Variants in TM9SF3 observed in about 807,000 individuals in gnomAD.
TM9SF3 encodes SM-11044-binding protein.
Under a neutral mutation model 78.6 loss-of-function variants are expected in TM9SF3, and 14 were observed. The observed-to-expected ratio is 0.18, with a 90% CI of 0.12 to 0.28. The LOEUF is 0.28. Ranked by LOEUF, TM9SF3 falls within the 10% of genes least tolerant of loss-of-function variation. The probability of loss-of-function intolerance (pLI) is 1.00; values close to 1 mark genes in which losing one functional copy is unlikely to be tolerated. For synonymous variants in TM9SF3, 231 were observed against 241.7 expected (o/e 0.96, Z 0.41); for missense variants, 496 against 721.9 (o/e 0.69, Z 3.59).
At chr10:96,531,976 C>A (rs781393764) in intron 10 of TM9SF3, among the ~76,000 whole-genome samples, 4 of 151,972 alleles carry the variant, frequency 2.6e-5, no homozygotes, top group Admixed American at 6.6e-5. Flanking sequence ...TTTGGGAGAC[C>A]GAGGTGGGCA....
chr10:96,537,196 AT>A (rs751129337), intron 9 of TM9SF3, among the ~76,000 whole-genome samples: 4 of 151,520 alleles, frequency 2.6e-5, no homozygotes, highest in African/African-American at 4.8e-5. Flanking sequence ...CCACATAACA[AT>A]TTTTTTTTGG....
At position 96,522,139 on chromosome 10, in the gene TM9SF3, G is replaced by C. The variant is rs78610910; in HGVS notation, c.*124C>G. 18,197 of 759,472 alleles carry C rather than the reference G, an allele frequency of 0.024. 290 individuals are homozygous for C. Among genetic ancestry groups the C allele is most frequent in the Non-Finnish European group, 0.031 (13,897 of 454,924 alleles). The allele number at this position is 759,472 out of a possible 1,614,324, so 47.0% of individuals were successfully genotyped here. Reference sequence around the variant, plus strand: ...GTTACTTTAAGCCACCGACGAAAGAGAGACCCACAAAGTACCCAGTGTGTT... The same window carrying C: ...GTTACTTTAAGCCACCGACGAAAGACAGACCCACAAAGTACCCAGTGTGTT... On this transcript the variant is annotated 3_prime_UTR_variant, in exon 15 of 15. Coordinates refer to ENST00000371142, the MANE Select transcript of TM9SF3 (RefSeq NM_020123.4).
chr10:96,560,684 T>C (rs35217901), intron 4 of TM9SF3: 112,843 of 590,756 alleles, frequency 0.19, 12,170 homozygotes, highest in Admixed American at 0.36. Context: ...ATGATGATGA[T>C]GACGATTTTG....
chr10:96,527,660 C>G (rs1847853830), intron 12 of TM9SF3, 164 bp from the exon 13 acceptor site: 1 of 583,438 alleles, frequency 1.7e-6, no homozygotes, highest in Non-Finnish European at 2.9e-6. Context: ...ACAAGGAAAA[C>G]ATCTAAGAAT....
chr10:96,534,913 T>C (rs893835159), intron 9 of TM9SF3, among the ~76,000 whole-genome samples: 6 of 152,174 alleles, frequency 3.9e-5, no homozygotes, highest in African/African-American at 1.4e-4. Context: ...TGAATGAATT[T>C]TGTCATTGAT....
intron 2 of TM9SF3, among the ~76,000 whole-genome samples, chr10:96,570,007 G>A (rs1848422230): frequency 6.6e-6 from 1 of 152,128 alleles, no homozygotes; most frequent in African/African-American, 2.4e-5. Flanking sequence ...TAGCAACAGA[G>A]CGAGACTCCG....
chr10:96,557,756 C>T (rs1237637659), intron 5 of TM9SF3, among the ~76,000 whole-genome samples: 1 of 152,188 alleles, frequency 6.6e-6, no homozygotes, highest in Non-Finnish European at 1.5e-5. Flanking sequence ...TTATTTCCTT[C>T]AACTCCTTCA....
chr10:96,583,695 C>T (rs762852885), intron 1 of TM9SF3, among the ~76,000 whole-genome samples: 1 of 152,132 alleles, frequency 6.6e-6, no homozygotes, highest in Non-Finnish European at 1.5e-5. Context: ...TTACTCACCT[C>T]GTAGGTTATT....
intron 1 of TM9SF3, among the ~76,000 whole-genome samples, chr10:96,584,450 A>AT (rs1237241143): frequency 6.6e-6 from 1 of 152,216 alleles, no homozygotes; most frequent in African/African-American, 2.4e-5. Context: ...TGACATTTGA[A>AT]TTTTATGCTT....
At chr10:96,548,113 C>T (rs1848123473) in intron 7 of TM9SF3, 124 bp from the exon 8 acceptor site, 1 of 590,830 alleles carries the variant, frequency 1.7e-6, no homozygotes, top group Non-Finnish European at 2.8e-6. Flanking sequence ...AATATCACAA[C>T]CTGGACTACA....
At chr10:96,537,789 C>G (rs891829250) in intron 9 of TM9SF3, among the ~76,000 whole-genome samples, 2 of 152,102 alleles carry the variant, frequency 1.3e-5, no homozygotes, top group African/African-American at 4.8e-5. Flanking sequence ...TAAAAAATAT[C>G]ATTCACCAAC....
Position 96,547,972 on chromosome 10 carries a change from C to G in TM9SF3, c.977G>C (p.Ser326Thr). ...AGCAGCATAGACAAATATGGCTGTA[C>G]TGAGCATTGATCCCCTCCTAAAAAG... ...DLYTERGSML[S>T]TAIFVYAATS... Residue 326 changes from serine to threonine, a missense_variant, in exon 8 of 15, where the codon AGT (serine) becomes ACT (threonine). This residue lies in a region of TM9SF3 where 280 missense variants were observed against 422.6 expected (regional missense o/e 0.66). Coordinates refer to ENST00000371142, the MANE Select transcript of TM9SF3 (RefSeq NM_020123.4). 5 of 1,607,604 alleles carry G rather than the reference C, an allele frequency of 3.1e-6. No homozygotes were observed. The South Asian group carries it at 5.6e-5, about 18-fold the overall frequency.
At chr10:96,577,221 G>T (rs774481031) in intron 1 of TM9SF3, among the ~76,000 whole-genome samples, 1 of 135,950 alleles carries the variant, frequency 7.4e-6, no homozygotes, top group African/African-American at 2.7e-5. Context: ...AGTTTATCCA[G>T]AACCTCATGT....
Position 96,527,474 on chromosome 10 carries a change from C to T in TM9SF3, c.1564G>A (p.Ala522Thr). 6.2e-7 allele frequency: 1 copy of T among 1,609,966 alleles called. No homozygotes were observed. Among genetic ancestry groups the T allele is most frequent in the Admixed American group, 1.7e-5 (1 of 59,668 alleles). The change falls in exon 13 of 15, where the codon GCT becomes ACT. Residue 522 changes from alanine to threonine, a missense_variant. Around this residue, in one of 4 missense-constraint regions of TM9SF3, gnomAD observed 280 missense variants for 422.6 expected, o/e 0.66. Transcript: ENST00000371142. ...TAAACATAGATTGCAGTTGATGCAG[C>T]AGAGAGAAAACTTGTCCATTGCCTG... is the stretch of plus-strand genomic sequence containing the variant. ...YRWQWTSFLS[A>T]ASTAIYVYMY... is the part of the protein sequence containing the mutation.
At chr10:96,559,546 A>G (rs1478528833) in intron 5 of TM9SF3, 113 bp downstream of exon 5, 5 of 646,468 alleles carry the variant, frequency 7.7e-6, no homozygotes, top group Non-Finnish European at 1.2e-5. Context: ...ACCATTAGCT[A>G]AATCTTTTAA....
intron 9 of TM9SF3, among the ~76,000 whole-genome samples, chr10:96,538,827 A>G (rs1194380127): frequency 1.3e-5 from 2 of 152,214 alleles, no homozygotes; most frequent in African/African-American, 4.8e-5. Context: ...AGCACTATAT[A>G]CTCACTAGAA....
At chr10:96,539,192 C>T (rs770996188) in intron 9 of TM9SF3, among the ~76,000 whole-genome samples, 4 of 148,340 alleles carry the variant, frequency 2.7e-5, no homozygotes, top group African/African-American at 5.0e-5. Flanking sequence ...AACATCAGGC[C>T]GGGTGTGGTG....
intron 8 of TM9SF3, among the ~76,000 whole-genome samples, chr10:96,545,059 T>C (rs1848081323): frequency 6.6e-6 from 1 of 152,168 alleles, no homozygotes; most frequent in Non-Finnish European, 1.5e-5. Flanking sequence ...ATTCTATACA[T>C]TGAGCTTCTA....
In TM9SF3 at chr10:96,527,230, G is replaced by A; in HGVS notation, c.1685C>T (p.Ala562Val). The change falls in exon 14 of 15, where the codon GCC (alanine) becomes GTC (valine). Residue 562 changes from alanine (A) to valine (V), a missense_variant. Ala to Val is a moderately conservative substitution (Grantham distance 64). Coordinates refer to ENST00000371142, the MANE Select transcript of TM9SF3 (RefSeq NM_020123.4). ...AAACTTACCACACATTATCCCCAAG[G>A]CTGTGCTAAATACCGCCATATATCC... ...YFGYMAVFST[A>V]LGIMCGAIGY... 2 of 1,610,662 alleles carry A rather than the reference G, an allele frequency of 1.2e-6. No individual in the cohort carries two copies. Among genetic ancestry groups the A allele is most frequent in the Non-Finnish European group, 1.7e-6 (2 of 1,178,466 alleles).
Sources: gnomAD v4.1 joint callset for allele counts (sites outside exome capture counted in the v4.1 genomes callset) on GRCh38, gnomAD v4.1.1 for gene constraint, gnomAD v4.1.1 regional missense constraint, MANE v1.5 for transcripts, NCBI Gene and HGNC (gene_info 2026-07-23, HGNC 2026-07-21) for gene names.